The following CLEC16A variants were observed in gnomAD, a reference collection of about 807,000 sequenced individuals.
CLEC16A encodes C-type lectin domain containing 16A.
CLEC16A carries 51 observed loss-of-function variants against 109.5 expected under a neutral mutation model. That is an observed-to-expected ratio of 0.47 (90% CI 0.37 to 0.59). The LOEUF is 0.59. Ranked by LOEUF, CLEC16A falls within the 20% of genes least tolerant of loss-of-function variation. The pLI, the probability that CLEC16A is intolerant of heterozygous loss-of-function variation, is 0.00. For synonymous variants in CLEC16A, 673 were observed against 564.2 expected (o/e 1.19, Z -2.73); for missense variants, 1,339 against 1,394.0 (o/e 0.96, Z 0.63).
chr16:11,174,094 C>T lies in CLEC16A; in HGVS notation c.2807-4241C>T, dbSNP rs768426281. On this transcript the variant is annotated intron_variant, in intron 23 of 23. Coordinates refer to ENST00000409790, the MANE Select transcript of CLEC16A (RefSeq NM_015226.3). This position sits in a 1 kb window ranked among gnomAD's most constrained non-coding sequence, Gnocchi z 4.7. ...CTGCTGCTCAGTGTCCCCTCCATGT[C>T]GCCTCTGCCGTCCCATTGTTAAAGG... 2.9e-5 allele frequency: 13 copies of T among 442,394 alleles called. No individual in the cohort carries two copies. The highest frequency in any genetic ancestry group is 4.8e-5 in the Non-Finnish European group (10 of 209,634). The allele number at this position is 442,394 out of a possible 1,614,324, so 27.4% of individuals were successfully genotyped here.
At chr16:11,083,791 C>T (rs543739188) in intron 19 of CLEC16A, among the ~76,000 whole-genome samples, 10 of 152,348 alleles carry the variant, frequency 6.6e-5, no homozygotes, top group African/African-American at 2.4e-4. Context: ...GTGGCGCTCC[C>T]CTGTCCGCTG....
intron 7 of CLEC16A, among the ~76,000 whole-genome samples, chr16:10,975,634 A>T (rs779542869): frequency 6.6e-6 from 1 of 152,032 alleles, no homozygotes; most frequent in Non-Finnish European, 1.5e-5. Flanking sequence ...TGCTGTAAAT[A>T]TTTACCAAAT....
At chr16:11,166,998 GT>G (rs1567413396) in intron 23 of CLEC16A, among the ~76,000 whole-genome samples, 1 of 152,132 alleles carries the variant, frequency 6.6e-6, no homozygotes, top group Non-Finnish European at 1.5e-5. Context: ...AGTTGTTCGA[GT>G]AGGCACGCAC....
intron 19 of CLEC16A, among the ~76,000 whole-genome samples, chr16:11,107,552 A>G (rs186626502): frequency 6.5e-4 from 99 of 152,324 alleles, no homozygotes; most frequent in African/African-American, 2.2e-3. Flanking sequence ...CTCGGTGGGA[A>G]CAGTCTCAGC....
At chr16:11,027,486 C>T (rs527304287) in intron 13 of CLEC16A, 255 of 1,583,606 alleles carry the variant, frequency 1.6e-4, no homozygotes, top group South Asian at 6.6e-4. Flanking sequence ...CATTTTGAAA[C>T]GTGGACAAGC....
At chr16:11,069,425 G>A (rs1384865926) in intron 19 of CLEC16A, among the ~76,000 whole-genome samples, 1 of 151,324 alleles carries the variant, frequency 6.6e-6, no homozygotes, top group African/African-American at 2.4e-5. Context: ...CACTGTGTCT[G>A]GCCTATTATT....
chr16:11,019,976 C>T (rs976516749), intron 11 of CLEC16A, among the ~76,000 whole-genome samples: 5 of 152,128 alleles, frequency 3.3e-5, no homozygotes, highest in Admixed American at 3.3e-4. Flanking sequence ...GACAGGAACA[C>T]GTTTCTTGGT....
chr16:11,158,263 C>G (rs1469548921), intron 22 of CLEC16A, among the ~76,000 whole-genome samples: 4 of 152,122 alleles, frequency 2.6e-5, no homozygotes, highest in African/African-American at 9.7e-5. Context: ...TGAGCCACAG[C>G]CTCGGAATGA....
In CLEC16A at chr16:11,147,208, G is replaced by A. The variant is rs1358366063; in HGVS notation, c.2642-19180G>A. On this transcript the variant is annotated intron_variant, in intron 22 of 23. Coordinates refer to ENST00000409790, the MANE Select transcript of CLEC16A (RefSeq NM_015226.3). ...CCTGGCAACAGTTTGGCTAGGCACA[G>A]AATTCCCCTTTGTCATCAATTTCCG... is the stretch of plus-strand genomic sequence containing the variant. Among the ~76,000 whole-genome samples the A allele has an allele frequency of 2.6e-5, 4 of 152,200 alleles. No homozygotes were observed. The South Asian group carries it at 8.3e-4, about 31-fold the overall frequency.
intron 10 of CLEC16A, among the ~76,000 whole-genome samples, chr16:10,997,418 C>T (rs1401052191): frequency 6.6e-6 from 1 of 152,152 alleles, no homozygotes; most frequent in African/African-American, 2.4e-5. Context: ...CCATAAAGCC[C>T]CTCCTCAGTT....
At chr16:11,168,891 G>C (rs2068386394) in intron 23 of CLEC16A, among the ~76,000 whole-genome samples, 1 of 152,260 alleles carries the variant, frequency 6.6e-6, no homozygotes, top group African/African-American at 2.4e-5. Context: ...GTGCGACTCA[G>C]CATTCAGGCT....
At chr16:11,000,315 T>C (rs1329570657) in intron 10 of CLEC16A, among the ~76,000 whole-genome samples, 1 of 152,208 alleles carries the variant, frequency 6.6e-6, no homozygotes, top group African/African-American at 2.4e-5. Context: ...GCCAGTTTGT[T>C]CTGTATGTCT....
intron 22 of CLEC16A, among the ~76,000 whole-genome samples, chr16:11,159,936 G>C (rs990345986): frequency 1.3e-5 from 2 of 152,178 alleles, no homozygotes; most frequent in African/African-American, 4.8e-5. Flanking sequence ...CCTGGAAACA[G>C]GTAGTATGTA....
intron 19 of CLEC16A, among the ~76,000 whole-genome samples, chr16:11,094,961 G>A (rs1275080517): frequency 6.6e-6 from 1 of 152,178 alleles, no homozygotes; most frequent in African/African-American, 2.4e-5. Flanking sequence ...GCAGCTCTGG[G>A]CTCCCTCAGT....
intron 11 of CLEC16A, among the ~76,000 whole-genome samples, chr16:11,009,663 G>A (rs1163017261): frequency 6.6e-6 from 1 of 152,212 alleles, no homozygotes; most frequent in Admixed American, 6.5e-5. Flanking sequence ...CCTGGCATGG[G>A]AACTGATACT....
chr16:11,051,742 C>T (rs2047952529), intron 18 of CLEC16A, 101 bp downstream of exon 18: 3 of 1,457,284 alleles, frequency 2.1e-6, no homozygotes, highest in African/African-American at 2.8e-5. Flanking sequence ...AAGAGCCTGC[C>T]CTCAACACAG....
intron 10 of CLEC16A, among the ~76,000 whole-genome samples, chr16:10,988,141 C>T (rs2043782273): frequency 6.6e-6 from 1 of 152,208 alleles, no homozygotes. Context: ...TCTGAAACTG[C>T]TAACATCTCG....
chr16:11,022,337 C>CTTTTTTT (rs36094157), intron 12 of CLEC16A, among the ~76,000 whole-genome samples: 2 of 93,470 alleles, frequency 2.1e-5, no homozygotes, highest in Non-Finnish European at 4.0e-5. Context: ...GTCTGGCTAC[C>CTTTTTTT]TTTTTTTTTT....
At chr16:11,055,315 C>T (rs8044044) in intron 18 of CLEC16A, among the ~76,000 whole-genome samples, 5,601 of 152,218 alleles carry the variant, frequency 0.037, 389 homozygotes, top group African/African-American at 0.13. Context: ...ATAGAGTGAT[C>T]GGAAGAGCTT....
Sources: gnomAD v4.1 joint callset for allele counts (sites outside exome capture counted in the v4.1 genomes callset) on GRCh38, gnomAD v4.1.1 for gene constraint, Gnocchi (gnomAD v3.1) non-coding constraint, MANE v1.5 for transcripts, NCBI Gene and HGNC (gene_info 2026-07-23, HGNC 2026-07-21) for gene names.